Variants in HIVEP3 observed in about 807,000 individuals in gnomAD.
HIVEP3 encodes transcription factor HIVEP3.
In HIVEP3, 49 loss-of-function variants were observed where a neutral mutation model predicts 152.8. The observed-to-expected ratio is 0.32, with a 90% CI of 0.26 to 0.41. The LOEUF is 0.41. Among genes scored for constraint, HIVEP3 ranks in the 10% least tolerant of loss-of-function variants. The pLI is 1.00. For synonymous variants in HIVEP3, 1,269 were observed against 1,289.0 expected (o/e 0.98, Z 0.33); for missense variants, 2,790 against 3,103.3 (o/e 0.90, Z 2.40).
At chr1:41,778,560 G>T (rs1166384072) in intron 1 of HIVEP3, among the ~76,000 whole-genome samples, 1 of 152,226 alleles carries the variant, frequency 6.6e-6, no homozygotes, top group African/African-American at 2.4e-5. Flanking sequence ...GGGCGGGGCA[G>T]GTCAGCCTGA....
At chr1:41,741,447 C>T (rs79779653) in intron 1 of HIVEP3, among the ~76,000 whole-genome samples, 46,269 of 152,060 alleles carry the variant, frequency 0.3, 7,965 homozygotes, top group East Asian at 0.47. Context: ...CACTCTCCCA[C>T]CCACCCTATC....
intron 1 of HIVEP3, among the ~76,000 whole-genome samples, chr1:41,773,508 C>G (rs1380506131): frequency 2.2e-5 from 2 of 91,274 alleles, no homozygotes; most frequent in Non-Finnish European, 4.4e-5. Flanking sequence ...TCCCAGACAC[C>G]CTCCCGGAAT....
At chr1:41,973,518 A>G (rs1645242350) in intron 1 of HIVEP3, among the ~76,000 whole-genome samples, 1 of 152,262 alleles carries the variant, frequency 6.6e-6, no homozygotes, top group Non-Finnish European at 1.5e-5. Flanking sequence ...CGTCTCTGAC[A>G]TGGTAACTGG....
At chr1:41,540,388 G>GT (rs1316283782) in intron 5 of HIVEP3, among the ~76,000 whole-genome samples, 11 of 152,376 alleles carry the variant, frequency 7.2e-5, no homozygotes, top group Middle Eastern at 3.4e-3. Context: ...ATGGGGCAAG[G>GT]TAGCCAGGGC....
chr1:42,011,580 T>C (rs16829014), intron 1 of HIVEP3, among the ~76,000 whole-genome samples: 26,219 of 152,096 alleles, frequency 0.17, 2,351 homozygotes, highest in Admixed American at 0.26. Flanking sequence ...TCTCAGGCAT[T>C]TGGGGACATG....
At chr1:42,015,469 CAGCGT>C (rs1386496140) in intron 1 of HIVEP3, among the ~76,000 whole-genome samples, 3 of 152,214 alleles carry the variant, frequency 2.0e-5, no homozygotes, top group Admixed American at 6.5e-5. Context: ...CTTCAGAATT[CAGCGT>C]AGACACAGAG....
intron 1 of HIVEP3, among the ~76,000 whole-genome samples, chr1:41,957,109 C>T (rs1412074744): frequency 6.6e-6 from 1 of 152,088 alleles, no homozygotes; most frequent in Non-Finnish European, 1.5e-5. Context: ...CTCAATAGCA[C>T]CAAGGCAGTA....
chr1:41,931,936 C>CT (rs146415809), intron 1 of HIVEP3, among the ~76,000 whole-genome samples: 4,065 of 150,868 alleles, frequency 0.027, 161 homozygotes, highest in African/African-American at 0.093. Context: ...ATCTTTTTGC[C>CT]TTTTTTTTTC....
chr1:41,551,015 T>A (rs1643888176), intron 5 of HIVEP3, among the ~76,000 whole-genome samples: 1 of 152,194 alleles, frequency 6.6e-6, no homozygotes, highest in Non-Finnish European at 1.5e-5. Context: ...TGTGGGTTTG[T>A]CATAAATAGC....
intron 1 of HIVEP3, among the ~76,000 whole-genome samples, chr1:41,949,288 A>G (rs978448869): frequency 6.6e-6 from 1 of 152,218 alleles, no homozygotes; most frequent in Non-Finnish European, 1.5e-5. Flanking sequence ...TTATCGGAGC[A>G]GGAGTGCTAG....
chr1:41,638,510 T>A (rs763518321), intron 2 of HIVEP3, among the ~76,000 whole-genome samples: 1 of 152,234 alleles, frequency 6.6e-6, no homozygotes, highest in East Asian at 1.9e-4. Context: ...AACACTAAAC[T>A]GTACATTTAA....
At chr1:41,605,338 GT>G (rs982486491) in intron 3 of HIVEP3, among the ~76,000 whole-genome samples, 10 of 151,180 alleles carry the variant, frequency 6.6e-5, no homozygotes, top group Non-Finnish European at 7.4e-5. Flanking sequence ...ACATCTTGAT[GT>G]GGTTACATAG....
In HIVEP3 at chr1:41,757,596, C is replaced by T. The variant is rs532756578; in HGVS notation, c.-800-56601G>A. Among the ~76,000 whole-genome samples the T allele has an allele frequency of 1.3e-4, 20 of 152,078 alleles. No homozygotes were observed. In the South Asian group the frequency reaches 4.2e-3, roughly 32 times the overall value. On this transcript the variant is annotated intron_variant, in intron 1 of 8. Transcript: ENST00000372583. ...AAATAAACAAAAAACAACAACAAAA[C>T]CCAAAACAATGGTTATCTCAGAATA...
intron 1 of HIVEP3, among the ~76,000 whole-genome samples, chr1:41,942,560 T>C (rs549587761): frequency 2.0e-5 from 3 of 152,354 alleles, no homozygotes; most frequent in South Asian, 2.1e-4. Context: ...TTGCAATGTA[T>C]GGCCAAATTA....
rs1413665576 is a variant in HIVEP3 at position 41,507,906 on chromosome 1, T to C, written c.*2545A>G. ...ATGTGGAGGCAGCCCTTTGGTGAGA[T>C]TCTATTTGTGCATTTACCCCCATCA... is the stretch of plus-strand genomic sequence containing the variant. On this transcript the variant is annotated 3_prime_UTR_variant, in exon 9 of 9. Coordinates refer to ENST00000372583, the MANE Select transcript of HIVEP3 (RefSeq NM_024503.5). The C allele has an allele frequency of 6.6e-6, 1 of 152,262 alleles. No homozygotes were observed. The highest frequency in any genetic ancestry group is 2.4e-5 in the African/African-American group (1 of 41,448). 9.4% of individuals were successfully genotyped at this position (152,262 alleles called of 1,614,324 possible).
chr1:41,533,581 T>C lies in HIVEP3; in HGVS notation c.5208-8671A>G, dbSNP rs931641747. On this transcript the variant is annotated intron_variant, in intron 5 of 8. Transcript: ENST00000372583. This position sits in a 1 kb window ranked among gnomAD's most constrained non-coding sequence, Gnocchi z 4.3. ...CAACTGTTCTTGCCAAGGTCACAGC[T>C]TGCTCCATTGAAAGTCCATTTGCCT... 1.3e-5 allele frequency among the ~76,000 whole-genome samples: 2 copies of C among 152,114 alleles called. No homozygotes were observed. The highest frequency in any genetic ancestry group is 4.8e-5 in the African/African-American group (2 of 41,418).
chr1:41,643,951 A>G (rs1173210611), intron 2 of HIVEP3, among the ~76,000 whole-genome samples: 1 of 146,430 alleles, frequency 6.8e-6, no homozygotes, highest in Non-Finnish European at 1.5e-5. Context: ...CAACAGCACA[A>G]TCTTGGCTCA....
intron 1 of HIVEP3, among the ~76,000 whole-genome samples, chr1:41,798,514 C>G (rs1270780222): frequency 6.6e-6 from 1 of 152,182 alleles, no homozygotes; most frequent in Non-Finnish European, 1.5e-5. Context: ...AGTGAAACCC[C>G]TGAAGAAGTA....
rs770390065 is a variant in HIVEP3 at position 41,580,997 on chromosome 1, T to A, written c.3801A>T (p.Pro1267=). ...AGAGGCCAGCACTTCCTGTTGCCAG[T>A]GGGGCCAGGCTGGTTTTGATCTGGG... ...HLPQIKTSLA[P]LATGSAGLSP... is the part of the protein sequence containing the mutation. Residue 1267 remains proline (P), a synonymous_variant, in exon 4 of 9, where the codon CCA becomes CCT. Transcript: ENST00000372583. 6.4e-6 allele frequency: 10 copies of A among 1,573,246 alleles called. No individual in the cohort carries two copies. In the East Asian group the frequency reaches 2.3e-4, roughly 35 times the overall value.
Sources: gnomAD v4.1 joint callset for allele counts (sites outside exome capture counted in the v4.1 genomes callset) on GRCh38, gnomAD v4.1.1 for gene constraint, Gnocchi (gnomAD v3.1) non-coding constraint, MANE v1.5 for transcripts, NCBI Gene and HGNC (gene_info 2026-07-23, HGNC 2026-07-21) for gene names.